Variants in GDPD1 observed in about 807,000 individuals in gnomAD.
GDPD1 encodes the protein lysophospholipase D GDPD1.
GDPD1 carries 28 observed loss-of-function variants against 45.1 expected under a neutral mutation model. The observed-to-expected ratio is 0.62, with a 90% CI of 0.46 to 0.85. The LOEUF is 0.85. GDPD1 is among the 40% of genes least tolerant of loss of function. GDPD1 has a pLI of 0.00. For synonymous variants in GDPD1, 139 were observed against 131.4 expected, an observed-to-expected ratio of 1.06 and a Z score of -0.40; for missense variants, 256 against 364.8, an observed-to-expected ratio of 0.70 and a Z score of 2.43.
intron 1 of GDPD1, among the ~76,000 whole-genome samples, chr17:59,221,002 C>T (rs970607549): frequency 2.6e-5 from 4 of 151,856 alleles, no homozygotes; most frequent in African/African-American, 9.7e-5. Context: ...TTCTCTGAAA[C>T]GGGAAAGACA....
chr17:59,237,671 A>G (rs1236949524), intron 2 of GDPD1, among the ~76,000 whole-genome samples: 1 of 152,146 alleles, frequency 6.6e-6, no homozygotes, highest in African/African-American at 2.4e-5. Flanking sequence ...TATTAATGAC[A>G]ATATAAATAG....
intron 2 of GDPD1, among the ~76,000 whole-genome samples, chr17:59,239,019 T>C (rs2047155900): frequency 6.6e-6 from 1 of 152,206 alleles, no homozygotes; most frequent in Non-Finnish European, 1.5e-5. Context: ...TAAACCAGGC[T>C]GCCTTAGGAA....
intron 1 of GDPD1, 152 bp from the exon 2 acceptor site, chr17:59,234,340 G>T: frequency 1.7e-6 from 1 of 572,102 alleles, no homozygotes; most frequent in Non-Finnish European, 3.1e-6. Flanking sequence ...GACAGAGCAA[G>T]ACTCCGTCTC....
In GDPD1 at chr17:59,250,959, C is replaced by A. The variant is rs555143702; in HGVS notation, c.367+2174C>A. On this transcript the variant is annotated intron_variant, in intron 4 of 9. Transcript: ENST00000284116. ...AACTGATTTACCTGACCCCCCCTTG[C>A]CCTCCCAAAATGCTAGGATTATAAG... 2.6e-5 allele frequency among the ~76,000 whole-genome samples: 4 copies of A among 152,190 alleles called. No individual in the cohort carries two copies. The South Asian group carries it at 8.3e-4, about 32-fold the overall frequency.
chr17:59,260,290 C>T (rs1171234413), intron 6 of GDPD1, among the ~76,000 whole-genome samples: 1 of 151,750 alleles, frequency 6.6e-6, no homozygotes, highest in African/African-American at 2.4e-5. Context: ...GCTTGTAATC[C>T]CAGCACTTTG....
At chr17:59,262,834 G>A (rs1358972489) in intron 6 of GDPD1, among the ~76,000 whole-genome samples, 1 of 151,846 alleles carries the variant, frequency 6.6e-6, no homozygotes, top group Non-Finnish European at 1.5e-5. Context: ...CACCATGTTG[G>A]TCAGGCTGGT....
chr17:59,246,278 T>G (rs986443094), intron 3 of GDPD1, among the ~76,000 whole-genome samples: 2 of 152,090 alleles, frequency 1.3e-5, no homozygotes, highest in African/African-American at 4.8e-5. Flanking sequence ...TAGATTTGTA[T>G]TCTCACTGTG....
In GDPD1 at chr17:59,259,516, G is replaced by A. The variant is rs537267774; in HGVS notation, c.576+1676G>A. On this transcript the variant is annotated intron_variant, in intron 6 of 9. Transcript: ENST00000284116. The stretch of plus-strand genomic sequence containing the variant: ...CGGGAGGCAGAGCTTGCAGTGAGCC[G>A]AGATCGCACCACTGCACTCCAGCCT... Among the ~76,000 whole-genome samples the A allele has an allele frequency of 4.4e-3, 608 of 138,658 alleles. 3 individuals are homozygous for A. Among genetic ancestry groups the A allele is most frequent in the African/African-American group, 0.016 (570 of 36,590 alleles). The allele number at this position is 138,658 out of a possible 152,430, so 91.0% of individuals were successfully genotyped here.
rs1333014569 is a variant in GDPD1, at chr17:59,275,015, T to C, written c.*1242T>C. The C allele has an allele frequency of 8.2e-6, 5 of 610,874 alleles. No individual in the cohort carries two copies. In the Admixed American group the frequency reaches 1.3e-4, roughly 16 times the overall value. 37.8% of individuals were successfully genotyped at this position (610,874 alleles called of 1,614,324 possible). A position where few individuals can be genotyped will look rare whatever the true frequency, so the allele number is the denominator to read the frequency against. ...TGCTACCATGCCCAGCTAATTTTTGTATTTTTAGTAGAGACAGGGTTTTGC... is the reference window on the plus strand; with the variant it reads ...TGCTACCATGCCCAGCTAATTTTTGCATTTTTAGTAGAGACAGGGTTTTGC... On this transcript the variant is annotated 3_prime_UTR_variant, in exon 10 of 10. Coordinates refer to ENST00000284116, the MANE Select transcript of GDPD1 (RefSeq NM_182569.4).
intron 6 of GDPD1, among the ~76,000 whole-genome samples, chr17:59,263,483 C>CTTTTTTTTTTTTTTTTT (rs537639356): frequency 8.3e-6 from 1 of 120,320 alleles, no homozygotes; most frequent in South Asian, 2.4e-4. Flanking sequence ...TTTTCCTTTC[C>CTTTTTTTTTTTTTTTTT]TTTTTTTTTT....
At chr17:59,243,191 A>G (rs1254978782) in intron 2 of GDPD1, among the ~76,000 whole-genome samples, 4 of 151,942 alleles carry the variant, frequency 2.6e-5, no homozygotes, top group Admixed American at 2.0e-4. Context: ...TCTGTCTAAA[A>G]GAAAAAAAAA....
At chr17:59,235,851 A>C (rs1308969652) in intron 2 of GDPD1, among the ~76,000 whole-genome samples, 1 of 151,364 alleles carries the variant, frequency 6.6e-6, no homozygotes, top group African/African-American at 2.4e-5. Context: ...TTTTCCTCCT[A>C]TCACAGACCA....
intron 1 of GDPD1, among the ~76,000 whole-genome samples, chr17:59,230,998 T>C (rs1332022388): frequency 1.3e-5 from 2 of 152,158 alleles, no homozygotes; most frequent in African/African-American, 4.8e-5. Flanking sequence ...AAAGCTTCCT[T>C]CCTCACTGTC....
At chr17:59,223,297 G>A (rs1191320452) in intron 1 of GDPD1, among the ~76,000 whole-genome samples, 1 of 152,044 alleles carries the variant, frequency 6.6e-6, no homozygotes, top group Non-Finnish European at 1.5e-5. Flanking sequence ...TTAAATATCT[G>A]CAGACTCAAA....
chr17:59,232,777 A>G (rs1377330602), intron 1 of GDPD1, among the ~76,000 whole-genome samples: 1 of 152,234 alleles, frequency 6.6e-6, no homozygotes, highest in Non-Finnish European at 1.5e-5. Context: ...TCAGTAAGGC[A>G]CATGACTCTG....
In GDPD1 at chr17:59,273,845, C is replaced by A; in HGVS notation, c.*72C>A. 1.4e-6 allele frequency: 2 copies of A among 1,434,226 alleles called. No individual in the cohort carries two copies. The highest frequency in any genetic ancestry group is 1.8e-6 in the Non-Finnish European group (2 of 1,091,954). 88.8% of individuals were successfully genotyped at this position (1,434,226 alleles called of 1,614,324 possible). ...AAAAAAATATTTCATGATCATTTCC[C>A]TAAGCCATTTCCAGAATGGTAAAAG... On this transcript the variant is annotated 3_prime_UTR_variant, in exon 10 of 10. Transcript: ENST00000284116.
chr17:59,270,138 A>G (rs142593972), intron 7 of GDPD1, among the ~76,000 whole-genome samples: 6 of 152,112 alleles, frequency 3.9e-5, no homozygotes, highest in Non-Finnish European at 4.4e-5. Flanking sequence ...TGAAATTGCA[A>G]CCAGGACTTT....
chr17:59,221,388 G>A (rs1481609001), intron 1 of GDPD1, among the ~76,000 whole-genome samples: 1 of 150,452 alleles, frequency 6.6e-6, no homozygotes, highest in Non-Finnish European at 1.5e-5. Flanking sequence ...GAGCTACAGC[G>A]TCCTGGTCCT....
chr17:59,222,531 T>TTTTTTA (rs2047014281), intron 1 of GDPD1, among the ~76,000 whole-genome samples: 2 of 98,844 alleles, frequency 2.0e-5, no homozygotes, highest in African/African-American at 8.9e-5. Context: ...TTTTTTTTTT[T>TTTTTTA]GAGACAGAGT....
Sources: allele counts gnomAD v4.1 joint callset (sites outside exome capture counted in the v4.1 genomes callset), GRCh38; gene constraint gnomAD v4.1.1; transcripts MANE v1.5; gene names NCBI Gene and HGNC (gene_info 2026-07-23, HGNC 2026-07-21).